Variants in TBX20 observed in about 807,000 individuals in gnomAD.
TBX20 encodes T-box transcription factor TBX20.
TBX20 carries 8 observed loss-of-function variants against 42.9 expected under a neutral mutation model. The ratio of observed to expected loss-of-function variants is 0.19; its 90% CI spans 0.11 to 0.34. The LOEUF (loss-of-function observed/expected upper bound fraction) is 0.34, where lower values mean the gene tolerates loss of function less well. TBX20 is among the 10% of genes least tolerant of loss of function. TBX20 has a pLI of 1.00. For missense variants in TBX20, 411 were observed against 566.0 expected (o/e 0.73, Z 2.78); for synonymous variants, 198 against 222.8 (o/e 0.89, Z 0.99).
chr7:35,250,139 A>C lies in TBX20; in HGVS notation c.192T>G (p.His64Gln). The C allele has an allele frequency of 1.2e-6, 2 of 1,614,044 alleles. No individual in the cohort carries two copies. The highest frequency in any genetic ancestry group is 1.7e-6 in the Non-Finnish European group (2 of 1,179,988). The change falls in exon 2 of 8, where the codon CAT (histidine) becomes CAG (glutamine). Residue 64 changes from histidine (H) to glutamine (Q), a missense_variant. By Grantham distance (24) the His-to-Gln change is conservative. This residue lies in a region of TBX20 where 114 missense variants were observed against 128.0 expected (regional missense o/e 0.89). Coordinates refer to ENST00000408931, the MANE Select transcript of TBX20 (RefSeq NM_001077653.2). Reference protein sequence around the residue: ...PLGELTSLDAHGEFGGGSGSS... With the variant: ...PLGELTSLDAQGEFGGGSGSS... ...TGCCACTGCCTCCACCAAACTCCCC[A>C]TGAGCATCCAGGCTGGTCAGCTCAC... is the stretch of plus-strand genomic sequence containing the variant.
At position 35,253,658 on chromosome 7, in the gene TBX20, T is replaced by A; in HGVS notation, c.-38A>T. ...GCGGTCCTGGCCAGGGACGGGGTCGTCCGAACTGCCGTCCAGATTCCCCAA... is the reference window on the plus strand; with the variant it reads ...GCGGTCCTGGCCAGGGACGGGGTCGACCGAACTGCCGTCCAGATTCCCCAA... On this transcript the variant is annotated 5_prime_UTR_variant, in exon 1 of 8. Transcript: ENST00000408931. 6.2e-7 allele frequency: 1 copy of A among 1,601,288 alleles called. No individual in the cohort carries two copies. The highest frequency in any genetic ancestry group is 8.5e-7 in the Non-Finnish European group (1 of 1,175,082).
chr7:35,249,923 CAA>C lies in TBX20; in HGVS notation c.380+26_380+27del. The C allele has an allele frequency of 6.3e-7, 1 of 1,584,818 alleles. No individual in the cohort carries two copies. The highest frequency in any genetic ancestry group is 8.6e-7 in the Non-Finnish European group (1 of 1,163,802). The stretch of plus-strand genomic sequence containing the variant: ...AGGGAGTGTCCTGACTCTCCACCCC[CAA>C]CCCCCAACCCCCAAGTCCCAACTAC... On this transcript the variant is annotated intron_variant, in intron 2 of 7. Coordinates refer to ENST00000408931, the MANE Select transcript of TBX20 (RefSeq NM_001077653.2). The surrounding 1 kb of genome is among the most constrained non-coding windows in gnomAD (Gnocchi z 4.3).
chr7:35,224,447 C>T (rs1584347271), intron 6 of TBX20, among the ~76,000 whole-genome samples: 1 of 152,134 alleles, frequency 6.6e-6, no homozygotes, highest in Non-Finnish European at 1.5e-5. Flanking sequence ...CCGAGGCAGG[C>T]GGATGACCTG....
intron 6 of TBX20, among the ~76,000 whole-genome samples, chr7:35,229,566 G>C (rs1789833284): frequency 6.6e-6 from 1 of 152,182 alleles, no homozygotes; most frequent in African/African-American, 2.4e-5. Flanking sequence ...GTACATGTGA[G>C]TGCTCCCACA....
chr7:35,243,564 C>T lies in TBX20; in HGVS notation c.654+1385G>A, dbSNP rs112108752. Among the ~76,000 whole-genome samples, 197 of 151,910 alleles carry T rather than the reference C, an allele frequency of 1.3e-3. 2 individuals are homozygous for T. The highest frequency in any genetic ancestry group is 4.4e-3 in the African/African-American group (184 of 41,418). On this transcript the variant is annotated intron_variant, in intron 4 of 7. Transcript: ENST00000408931. ...GAATCATAAAAGAATTCCATCTTTC[C>T]CTGCAAAAATTTCCATTAAAGTTCA...
intron 5 of TBX20, among the ~76,000 whole-genome samples, chr7:35,233,499 T>C (rs777801987): frequency 6.6e-6 from 1 of 152,190 alleles, no homozygotes. Context: ...TGAAGAGAGA[T>C]ACAGGAAAGA....
At chr7:35,234,290 A>C (rs1260371263) in intron 5 of TBX20, among the ~76,000 whole-genome samples, 2 of 152,242 alleles carry the variant, frequency 1.3e-5, no homozygotes, top group African/African-American at 4.8e-5. Context: ...AAGAATTTTG[A>C]AAATCACATT....
At chr7:35,205,410 A>G (rs1789384485) in intron 6 of TBX20, among the ~76,000 whole-genome samples, 1 of 152,076 alleles carries the variant, frequency 6.6e-6, no homozygotes, top group Admixed American at 6.6e-5. Flanking sequence ...GTGCATACTG[A>G]TAACAGATTA....
At chr7:35,220,406 G>A (rs115428655) in intron 6 of TBX20, among the ~76,000 whole-genome samples, 32 of 152,332 alleles carry the variant, frequency 2.1e-4, no homozygotes, top group African/African-American at 7.5e-4. Context: ...GAGGGCATAA[G>A]GCTGCTGTGC....
intron 5 of TBX20, among the ~76,000 whole-genome samples, chr7:35,233,252 C>T (rs1010698478): frequency 6.6e-6 from 1 of 152,238 alleles, no homozygotes; most frequent in South Asian, 2.1e-4. Flanking sequence ...ACTAACCCAG[C>T]CAGAAAGACT....
At chr7:35,227,754 A>G (rs1789799832) in intron 6 of TBX20, among the ~76,000 whole-genome samples, 1 of 152,152 alleles carries the variant, frequency 6.6e-6, no homozygotes, top group African/African-American at 2.4e-5. Flanking sequence ...TACCCAGACT[A>G]GATAAATTCA....
chr7:35,214,317 A>C lies in TBX20; in HGVS notation c.891-9735T>G, dbSNP rs181315539. On this transcript the variant is annotated intron_variant, in intron 6 of 7. Coordinates refer to ENST00000408931, the MANE Select transcript of TBX20 (RefSeq NM_001077653.2). ...CTAGAATATTACTTGCAGTTCTATTATAAAACTATATCTGACATCAAAGAG... is the reference window on the plus strand; with the variant it reads ...CTAGAATATTACTTGCAGTTCTATTCTAAAACTATATCTGACATCAAAGAG... Among the ~76,000 whole-genome samples the C allele has an allele frequency of 2.6e-5, 4 of 152,316 alleles. No homozygotes were observed. In the East Asian group the frequency reaches 7.7e-4, roughly 29 times the overall value.
intron 1 of TBX20, 119 bp from the exon 2 acceptor site, chr7:35,250,322 C>T: frequency 8.5e-7 from 1 of 1,171,814 alleles, no homozygotes; most frequent in Non-Finnish European, 1.1e-6. Context: ...AGCTCAGAAA[C>T]TCCAGGCAGG....
Position 35,220,319 on chromosome 7 carries a change from C to T in TBX20, c.890+11185G>A, listed in dbSNP as rs148977921. 5.0e-3 allele frequency among the ~76,000 whole-genome samples: 754 copies of T among 152,280 alleles called. 6 individuals carry two copies. The highest frequency in any genetic ancestry group is 0.031 in the Middle Eastern group (9 of 294). On this transcript the variant is annotated intron_variant, in intron 6 of 7. Coordinates refer to ENST00000408931, the MANE Select transcript of TBX20 (RefSeq NM_001077653.2). ...TGGAGTCTAGGAGGAAGGAATCCCACGGCAGCCCTCCCAGCCAGCACATGG... is the reference window on the plus strand; with the variant it reads ...TGGAGTCTAGGAGGAAGGAATCCCATGGCAGCCCTCCCAGCCAGCACATGG...
intron 6 of TBX20, among the ~76,000 whole-genome samples, chr7:35,212,643 G>A (rs1789517554): frequency 6.6e-6 from 1 of 152,088 alleles, no homozygotes; most frequent in Non-Finnish European, 1.5e-5. Flanking sequence ...ATTTAGTTGA[G>A]GGCTAATTCT....
At position 35,213,495 on chromosome 7, in the gene TBX20, A is replaced by T. The variant is rs1290959848; in HGVS notation, c.891-8913T>A. On this transcript the variant is annotated intron_variant, in intron 6 of 7. Coordinates refer to ENST00000408931, the MANE Select transcript of TBX20 (RefSeq NM_001077653.2). The stretch of plus-strand genomic sequence containing the variant: ...ATGTATGTATTATTTATTTAAAATT[A>T]ATTTCACATTACAAAATGAGACTAT... Among the ~76,000 whole-genome samples, 3 of 152,228 alleles carry T rather than the reference A, an allele frequency of 2.0e-5. No individual in the cohort carries two copies. The East Asian group carries it at 5.8e-4, about 29-fold the overall frequency.
intron 6 of TBX20, among the ~76,000 whole-genome samples, chr7:35,223,433 C>G (rs951716031): frequency 2.0e-5 from 3 of 151,984 alleles, no homozygotes; most frequent in Non-Finnish European, 4.4e-5. Flanking sequence ...CACCCAGAGA[C>G]CAGATGTAGA....
intron 6 of TBX20, among the ~76,000 whole-genome samples, chr7:35,230,512 A>T (rs1319866416): frequency 2.6e-5 from 4 of 152,026 alleles, no homozygotes; most frequent in African/African-American, 9.7e-5. Context: ...CTGTTCCCCT[A>T]AATCAAACCT....
intron 5 of TBX20, 113 bp downstream of exon 5, chr7:35,240,766 T>C: frequency 1.0e-6 from 1 of 980,560 alleles, no homozygotes. Flanking sequence ...AATAGCTCTC[T>C]GCAAAGTGAA....
Sources: allele counts gnomAD v4.1 joint callset (sites outside exome capture counted in the v4.1 genomes callset), GRCh38; gene constraint gnomAD v4.1.1; regional missense constraint gnomAD v4.1.1; non-coding constraint Gnocchi (gnomAD v3.1); transcripts MANE v1.5; gene names NCBI Gene and HGNC (gene_info 2026-07-23, HGNC 2026-07-21).